TASP1: variants seen among roughly 807,000 people sequenced by gnomAD.
TASP1 encodes the protein threonine aspartase 1.
A neutral mutation model predicts 56.6 loss-of-function variants in TASP1; 16 were observed. The observed-to-expected ratio is 0.28, with a 90% confidence interval of 0.19 to 0.43. The LOEUF (loss-of-function observed/expected upper bound fraction) is 0.43, where lower values mean the gene tolerates loss of function less well. Ranked by LOEUF, TASP1 falls within the 20% of genes least tolerant of loss-of-function variation. The pLI is 1.00. For synonymous variants in TASP1, 179 were observed against 184.2 expected (o/e 0.97, Z 0.23); for missense variants, 393 against 511.6 (o/e 0.77, Z 2.24).
intron 11 of TASP1, among the ~76,000 whole-genome samples, chr20:13,455,778 A>G (rs1600849908): frequency 6.6e-6 from 1 of 152,176 alleles, no homozygotes; most frequent in African/African-American, 2.4e-5. Context: ...TGTGCATTTC[A>G]TCTTCAACAC....
At chr20:13,422,901 G>A (rs759596301) in intron 12 of TASP1, among the ~76,000 whole-genome samples, 47 of 152,222 alleles carry the variant, frequency 3.1e-4, no homozygotes, top group Non-Finnish European at 5.4e-4. Context: ...CTGATTCATG[G>A]ATTACAAATA....
rs187099031 is a variant in TASP1 at position 13,514,629 on chromosome 20, C to T, written c.874+13804G>A. On this transcript the variant is annotated intron_variant, in intron 10 of 13. Transcript: ENST00000337743. ...TGTAGGTACAGGCAGACCTAAAATA[C>T]CATTGTAGAATTTTAGTTGAAGTCT... 3.3e-3 allele frequency among the ~76,000 whole-genome samples: 495 copies of T among 152,246 alleles called. 2 individuals are homozygous for T. The highest frequency in any genetic ancestry group is 0.012 in the East Asian group (60 of 5,178).
At chr20:13,386,969 T>A (rs1050461342), downstream of TASP1, among the ~76,000 whole-genome samples, 10 of 152,126 alleles carry the variant, frequency 6.6e-5, no homozygotes, top group Non-Finnish European at 1.5e-4. Flanking sequence ...ATCACCCAGT[T>A]AATCAGCATA....
chr20:13,475,308 C>T (rs1178168994), intron 11 of TASP1, among the ~76,000 whole-genome samples: 1 of 152,164 alleles, frequency 6.6e-6, no homozygotes. Flanking sequence ...TTCATTCATG[C>T]TGATGGGTAC....
chr20:13,326,225 TTTAAG>T, the TASP1 span, among the ~76,000 whole-genome samples: 1 of 152,200 alleles, frequency 6.6e-6, no homozygotes, highest in Admixed American at 6.5e-5. Flanking sequence ...CTAAAGGATA[TTTAAG>T]TTGTTTGTAA....
intron 4 of TASP1, among the ~76,000 whole-genome samples, chr20:13,618,998 C>T (rs1468965259): frequency 6.6e-6 from 1 of 152,102 alleles, no homozygotes; most frequent in African/African-American, 2.4e-5. Context: ...CCTCAGCCTC[C>T]CAACTAGCTG....
At chr20:13,179,406 CGTGT>C in the TASP1 span, among the ~76,000 whole-genome samples, 145 of 143,510 alleles carry the variant, frequency 1.0e-3, no homozygotes, top group East Asian at 0.011. Context: ...GAATTATGTG[CGTGT>C]GTGTGTGTGT....
chr20:13,469,949 T>C (rs2044424145), intron 11 of TASP1, among the ~76,000 whole-genome samples: 1 of 151,512 alleles, frequency 6.6e-6, no homozygotes, highest in Admixed American at 6.6e-5. Context: ...GCAGGAACTA[T>C]AGGCACCTGA....
chr20:13,458,916 A>T (rs2043948220), intron 11 of TASP1, among the ~76,000 whole-genome samples: 1 of 152,190 alleles, frequency 6.6e-6, no homozygotes, highest in African/African-American at 2.4e-5. Context: ...AAGGTTTAAA[A>T]TTTTGGCAAA....
At chr20:13,586,655 C>T (rs1362564706) in intron 5 of TASP1, among the ~76,000 whole-genome samples, 1 of 151,618 alleles carries the variant, frequency 6.6e-6, no homozygotes, top group African/African-American at 2.4e-5. Context: ...AAGCTGTACA[C>T]ATAAAATACA....
chr20:13,303,454 G>T, the TASP1 span, among the ~76,000 whole-genome samples: 1 of 152,236 alleles, frequency 6.6e-6, no homozygotes, highest in African/African-American at 2.4e-5. Flanking sequence ...TGAAAACAAA[G>T]ATGGGTCTGC....
chr20:13,561,402 G>A (rs920355516), intron 7 of TASP1, among the ~76,000 whole-genome samples: 1 of 152,068 alleles, frequency 6.6e-6, no homozygotes, highest in Non-Finnish European at 1.5e-5. Context: ...GTCTCCCTCT[G>A]TCGCCCAAGC....
chr20:13,601,864 C>T (rs1386497977), intron 4 of TASP1, among the ~76,000 whole-genome samples: 1 of 141,422 alleles, frequency 7.1e-6, no homozygotes, highest in Non-Finnish European at 1.5e-5. Flanking sequence ...CCCATAACCC[C>T]ATTCTTTTTT....
chr20:13,108,165 A>C, the TASP1 span, among the ~76,000 whole-genome samples: 2 of 152,194 alleles, frequency 1.3e-5, no homozygotes, highest in East Asian at 1.9e-4. Flanking sequence ...CTGATATTGC[A>C]CTATCAAATT....
Position 13,587,234 on chromosome 20 carries a change from C to A in TASP1, c.403+16G>T, listed in dbSNP as rs775927517. 3 of 1,597,074 alleles carry A rather than the reference C, an allele frequency of 1.9e-6. No individual in the cohort carries two copies. The Admixed American group carries it at 5.4e-5, about 29-fold the overall frequency. ...GCATGATTTTCCAAAGATAGTAGGT[C>A]ATAATGCCCACATACCACTCAGTGC... On this transcript the variant is annotated intron_variant, in intron 5 of 13. Transcript: ENST00000337743.
the TASP1 span, among the ~76,000 whole-genome samples, chr20:13,222,913 A>G: frequency 2.6e-5 from 4 of 152,226 alleles, no homozygotes; most frequent in Non-Finnish European, 5.9e-5. Context: ...CTGTGATCCC[A>G]GCACTTTAGC....
the TASP1 span, chr20:13,164,237 G>C: frequency 2.4e-6 from 1 of 425,228 alleles, no homozygotes; most frequent in Admixed American, 2.9e-5. Context: ...TGTGAGTTAA[G>C]TTCTAGTATT....
chr20:13,638,434 C>T (rs776897433), intron 1 of TASP1, among the ~76,000 whole-genome samples: 1 of 151,992 alleles, frequency 6.6e-6, no homozygotes, highest in Non-Finnish European at 1.5e-5. Flanking sequence ...CCTCCTCCCC[C>T]TGAGTAGTAA....
chr20:13,247,891 C>G, the TASP1 span, among the ~76,000 whole-genome samples: 1 of 152,286 alleles, frequency 6.6e-6, no homozygotes, highest in East Asian at 1.9e-4. Flanking sequence ...ACAAAATCCT[C>G]TAACCACAGT....
Sources: allele counts gnomAD v4.1 joint callset (sites outside exome capture counted in the v4.1 genomes callset), GRCh38; gene constraint gnomAD v4.1.1; transcripts MANE v1.5; gene names NCBI Gene and HGNC (gene_info 2026-07-23, HGNC 2026-07-21).